HERC2: variants seen among roughly 807,000 people sequenced by gnomAD.
HERC2 encodes the protein HECT and RLD domain containing E3 ubiquitin protein ligase 2, also known as E3 ubiquitin-protein ligase HERC2.
Under a neutral mutation model 537.7 loss-of-function variants are expected in HERC2, and 102 were observed. That is an observed-to-expected ratio of 0.19 (90% confidence interval 0.16 to 0.22). The LOEUF (loss-of-function observed/expected upper bound fraction) is 0.22, where lower values mean the gene tolerates loss of function less well. HERC2 is among the 10% of genes least tolerant of loss of function. The pLI is 1.00. For missense variants in HERC2, 4,236 were observed against 6,198.2 expected (o/e 0.68, Z 10.63); for synonymous variants, 2,224 against 2,466.2 (o/e 0.90, Z 2.91).
chr15:28,262,265 C>T (rs145392874), intron 15 of HERC2, among the ~76,000 whole-genome samples: 2 of 152,188 alleles, frequency 1.3e-5, no homozygotes, highest in African/African-American at 2.4e-5. Context: ...GTTTTGATGG[C>T]CCCCACCCCA....
chr15:28,135,133 G>T (rs1890502699), intron 79 of HERC2, among the ~76,000 whole-genome samples: 1 of 152,008 alleles, frequency 6.6e-6, no homozygotes. Context: ...CCTCACCCCT[G>T]CTATTTCCTC....
Position 28,256,032 on chromosome 15 carries a change from GC to G in HERC2, c.2747-37del, listed in dbSNP as rs1567078656. ...AAGTGTGTGCCAATTTGAGTGAAAC[GC>G]CATTCCCTCCCAACACCCTGACCCA... is the stretch of plus-strand genomic sequence containing the variant. On this transcript the variant is annotated intron_variant, in intron 18 of 92. Coordinates refer to ENST00000261609, the MANE Select transcript of HERC2 (RefSeq NM_004667.6). 2.5e-6 allele frequency: 4 copies of G among 1,604,898 alleles called. No individual in the cohort carries two copies. The South Asian group carries it at 4.4e-5, about 18-fold the overall frequency.
At chr15:28,145,238 G>C (rs1891613930) in intron 71 of HERC2, among the ~76,000 whole-genome samples, 1 of 152,234 alleles carries the variant, frequency 6.6e-6, no homozygotes, top group South Asian at 2.1e-4. Flanking sequence ...CCAACAAAAG[G>C]CCTATGTGTG....
chr15:28,240,792 G>T (rs1437264186), intron 23 of HERC2, among the ~76,000 whole-genome samples: 1 of 152,188 alleles, frequency 6.6e-6, no homozygotes, highest in Non-Finnish European at 1.5e-5. Context: ...CCACTCAATG[G>T]GGAAAGAAGA....
Position 28,130,267 on chromosome 15 carries a change from G to A in HERC2, c.12698C>T (p.Ser4233Leu). ...KGDYHRLGHG[S>L]DDHVRRPRQV... ...CCGAGGCCTTCGAACATGGTCATCT[G>A]ATCCATGGCCCAACCTGTGATAATC... Residue 4233 changes from serine to leucine, a missense_variant, in exon 83 of 93, where the codon TCA becomes TTA. This residue lies in a region of HERC2 where 189 missense variants were observed against 255.7 expected (regional missense o/e 0.74). Coordinates refer to ENST00000261609, the MANE Select transcript of HERC2 (RefSeq NM_004667.6). The A allele has an allele frequency of 6.2e-7, 1 of 1,614,162 alleles. No homozygotes were observed. Among genetic ancestry groups the A allele is most frequent in the Admixed American group, 1.7e-5 (1 of 60,026 alleles).
At chr15:28,315,627 T>C (rs1434559475) in intron 2 of HERC2, 2 of 548,720 alleles carry the variant, frequency 3.6e-6, no homozygotes, top group Non-Finnish European at 7.0e-6. Flanking sequence ...ACCCCATCTC[T>C]ACTAAAAATA....
intron 7 of HERC2, among the ~76,000 whole-genome samples, chr15:28,273,693 A>G (rs1371495643): frequency 6.6e-6 from 1 of 152,232 alleles, no homozygotes. Context: ...AAGAAGGCAC[A>G]GTGCTGACCT....
At chr15:28,240,242 C>A (rs1372394536) in intron 23 of HERC2, among the ~76,000 whole-genome samples, 1 of 152,088 alleles carries the variant, frequency 6.6e-6, no homozygotes, top group South Asian at 2.1e-4. Flanking sequence ...CACGGTGAAA[C>A]CCCATCTCTA....
intron 6 of HERC2, 68 bp downstream of exon 6, chr15:28,274,837 C>T: frequency 8.0e-7 from 1 of 1,252,950 alleles, no homozygotes; most frequent in Non-Finnish European, 1.2e-6. Context: ...GGTGGCTGAA[C>T]CGAGTTCGAA....
chr15:28,192,594 C>A (rs1896950092), intron 52 of HERC2, among the ~76,000 whole-genome samples: 1 of 152,132 alleles, frequency 6.6e-6, no homozygotes. Flanking sequence ...ACAAAACACT[C>A]AAAAATAAAT....
rs1453780319 is a variant in HERC2, at chr15:28,268,222, A to C, written c.1598+243T>G. Among the ~76,000 whole-genome samples the C allele has an allele frequency of 6.6e-6, 1 of 152,202 alleles. No individual in the cohort carries two copies. The highest frequency in any genetic ancestry group is 1.5e-5 in the Non-Finnish European group (1 of 68,048). On this transcript the variant is annotated intron_variant, in intron 12 of 92. Transcript: ENST00000261609. This position sits in a 1 kb window ranked among gnomAD's most constrained non-coding sequence, Gnocchi z 4.7. ...TGGGGATGCAGTTTGAGTAGATAGA[A>C]GGCTGGCCAAGGCTGCACGGGGTCA...
At chr15:28,313,063 G>A (rs543579217) in intron 2 of HERC2, among the ~76,000 whole-genome samples, 6 of 151,986 alleles carry the variant, frequency 3.9e-5, no homozygotes, top group South Asian at 4.2e-4. Context: ...AGGCTTATTC[G>A]CTTCCCACCA....
chr15:28,123,172 T>C (rs1889111604), intron 85 of HERC2, among the ~76,000 whole-genome samples: 1 of 152,146 alleles, frequency 6.6e-6, no homozygotes. Flanking sequence ...AAAATGAATG[T>C]ACCAGTCCTG....
chr15:28,264,464 C>G (rs2075505336), intron 14 of HERC2, among the ~76,000 whole-genome samples: 1 of 152,200 alleles, frequency 6.6e-6, no homozygotes, highest in Admixed American at 6.5e-5. Flanking sequence ...GTTCACATAG[C>G]CCACCTGGCT....
chr15:28,255,072 A>C (rs1311798873), intron 19 of HERC2, among the ~76,000 whole-genome samples: 1 of 152,214 alleles, frequency 6.6e-6, no homozygotes, highest in African/African-American at 2.4e-5. Flanking sequence ...GTGGTCGCTC[A>C]TGCTTGTAAT....
chr15:28,248,158 T>C (rs1903909341), intron 21 of HERC2, among the ~76,000 whole-genome samples: 1 of 152,166 alleles, frequency 6.6e-6, no homozygotes, highest in African/African-American at 2.4e-5. Flanking sequence ...ACCCAGGCTT[T>C]CTCCAACAGT....
intron 56 of HERC2, among the ~76,000 whole-genome samples, chr15:28,186,271 G>GT (rs1473539178): frequency 2.6e-5 from 4 of 151,982 alleles, no homozygotes; most frequent in African/African-American, 9.7e-5. Context: ...AATAAATTTA[G>GT]TAACAGAAAA....
At chr15:28,284,986 G>C (rs1239029584) in intron 4 of HERC2, among the ~76,000 whole-genome samples, 1 of 128,988 alleles carries the variant, frequency 7.8e-6, no homozygotes, top group Admixed American at 7.8e-5. Flanking sequence ...ATTACAAAAT[G>C]AGAACTTGGT....
At chr15:28,167,557 T>C (rs1308308064) in intron 68 of HERC2, 130 bp downstream of exon 68, 5 of 1,079,410 alleles carry the variant, frequency 4.6e-6, no homozygotes, top group South Asian at 4.2e-5. Context: ...GCTTCGAAGA[T>C]GCTAACAAGT....
Sources: gnomAD v4.1 joint callset for allele counts (sites outside exome capture counted in the v4.1 genomes callset) on GRCh38, gnomAD v4.1.1 for gene constraint, gnomAD v4.1.1 regional missense constraint, Gnocchi (gnomAD v3.1) non-coding constraint, MANE v1.5 for transcripts, NCBI Gene and HGNC (gene_info 2026-07-23, HGNC 2026-07-21) for gene names.